Variants in CNTNAP2 observed in about 807,000 individuals in gnomAD.
CNTNAP2 encodes the protein contactin associated protein 2, also known as contactin-associated protein-like 2.
Under a neutral mutation model 155.2 loss-of-function variants are expected in CNTNAP2, and 98 were observed. The ratio of observed to expected loss-of-function variants is 0.63; its 90% CI spans 0.54 to 0.75. CNTNAP2 has a LOEUF of 0.75. CNTNAP2 is among the 30% of genes least tolerant of loss of function. CNTNAP2 has a pLI of 0.00. For missense variants in CNTNAP2, 1,727 were observed against 1,688.1 expected, an observed-to-expected ratio of 1.02 and a Z score of -0.40; for synonymous variants, 651 against 631.2, an observed-to-expected ratio of 1.03 and a Z score of -0.47.
At chr7:148,365,833 T>C (rs201448117) in intron 21 of CNTNAP2, among the ~76,000 whole-genome samples, 4,321 of 70,768 alleles carry the variant, frequency 0.061, 1,715 homozygotes, top group African/African-American at 0.16. Context: ...TGTGTATGCA[T>C]GTATACATGC....
chr7:146,922,273 A>C (rs1038147614), intron 3 of CNTNAP2, among the ~76,000 whole-genome samples: 5 of 151,450 alleles, frequency 3.3e-5, no homozygotes, highest in Non-Finnish European at 7.4e-5. Context: ...AAAAAAAAAA[A>C]ACGCCACTTT....
chr7:146,214,776 A>G (rs1424152794), intron 1 of CNTNAP2, among the ~76,000 whole-genome samples: 2 of 152,160 alleles, frequency 1.3e-5, no homozygotes, highest in Non-Finnish European at 1.5e-5. Flanking sequence ...GCATTGCAAC[A>G]ATAACCCCAG....
At chr7:147,585,449 C>T (rs1800599745) in intron 12 of CNTNAP2, among the ~76,000 whole-genome samples, 1 of 148,572 alleles carries the variant, frequency 6.7e-6, no homozygotes, top group Non-Finnish European at 1.5e-5. Context: ...ACATTGTATA[C>T]AATTATATAT....
At chr7:147,031,421 T>C (rs1280157218) in intron 3 of CNTNAP2, among the ~76,000 whole-genome samples, 2 of 152,190 alleles carry the variant, frequency 1.3e-5, no homozygotes, top group Non-Finnish European at 2.9e-5. Context: ...GCAATTTTAT[T>C]TGTAATAGTA....
intron 1 of CNTNAP2, among the ~76,000 whole-genome samples, chr7:146,371,182 T>G (rs1041074156): frequency 4.6e-5 from 7 of 151,966 alleles, no homozygotes; most frequent in Non-Finnish European, 1.0e-4. Context: ...TTCATCTTTT[T>G]TGCCTATGGA....
intron 13 of CNTNAP2, among the ~76,000 whole-genome samples, chr7:147,759,098 TGACA>T (rs1448207029): frequency 6.6e-6 from 1 of 152,208 alleles, no homozygotes; most frequent in Non-Finnish European, 1.5e-5. Flanking sequence ...TGTTTTTCTT[TGACA>T]TTTACATCCA....
intron 3 of CNTNAP2, among the ~76,000 whole-genome samples, chr7:146,979,258 C>T (rs547908420): frequency 6.6e-6 from 1 of 152,238 alleles, no homozygotes; most frequent in South Asian, 2.1e-4. Context: ...TTCTACTTCC[C>T]TGGCCTCGTC....
intron 1 of CNTNAP2, among the ~76,000 whole-genome samples, chr7:146,674,311 A>G (rs1024239759): frequency 6.6e-6 from 1 of 152,174 alleles, no homozygotes. Flanking sequence ...CAGACATTTT[A>G]TAAGTAGTGT....
intron 3 of CNTNAP2, among the ~76,000 whole-genome samples, chr7:147,010,141 C>A (rs1364097405): frequency 1.3e-5 from 2 of 151,376 alleles, no homozygotes. Flanking sequence ...TCCCGAGTAG[C>A]TGGGATTACA....
intron 10 of CNTNAP2, among the ~76,000 whole-genome samples, chr7:147,400,243 G>A (rs982782103): frequency 1.3e-5 from 2 of 152,110 alleles, no homozygotes; most frequent in African/African-American, 4.8e-5. Flanking sequence ...CAAAGTTGGG[G>A]AGAGGGGGTG....
chr7:147,855,109 G>A (rs919470374), intron 13 of CNTNAP2, among the ~76,000 whole-genome samples: 6 of 151,848 alleles, frequency 4.0e-5, no homozygotes, highest in African/African-American at 9.7e-5. Flanking sequence ...TTACATATGC[G>A]GCTCACATTG....
At chr7:147,169,652 A>AAGGGAGGG (rs934198166) in intron 8 of CNTNAP2, among the ~76,000 whole-genome samples, 4 of 142,514 alleles carry the variant, frequency 2.8e-5, no homozygotes, top group African/African-American at 7.5e-5. Context: ...GGAAAGAAGG[A>AAGGGAGGG]AGGGAGGGAG....
chr7:147,012,438 G>A (rs1288545851), intron 3 of CNTNAP2, among the ~76,000 whole-genome samples: 1 of 152,088 alleles, frequency 6.6e-6, no homozygotes, highest in African/African-American at 2.4e-5. Flanking sequence ...GTTTAAAATT[G>A]TCTGAAAAAG....
In CNTNAP2 at chr7:147,114,742, T is replaced by C. The variant is rs137862566; in HGVS notation, c.755-6237T>C. 9.3e-3 allele frequency among the ~76,000 whole-genome samples: 1,411 copies of C among 152,274 alleles called. 25 individuals are homozygous for C. Among genetic ancestry groups the C allele is most frequent in the African/African-American group, 0.032 (1,338 of 41,552 alleles). ...TGGGTCTCTTGAAGACAGCATACCA[T>C]TGGGTCTTGGCTCTTTATCCAGCTT... On this transcript the variant is annotated intron_variant, in intron 5 of 23. Coordinates refer to ENST00000361727, the MANE Select transcript of CNTNAP2 (RefSeq NM_014141.6).
Position 147,228,100 on chromosome 7 carries a change from T to C in CNTNAP2, c.1349-72041T>C, listed in dbSNP as rs560969640. 2.0e-5 allele frequency among the ~76,000 whole-genome samples: 3 copies of C among 152,260 alleles called. No individual in the cohort carries two copies. The South Asian group carries it at 6.2e-4, about 32-fold the overall frequency. ...AAGTAGGTCAAATGCTGCTGAATAG[T>C]CATTAAGATGAGGACTGAAAATAAT... is the stretch of plus-strand genomic sequence containing the variant. On this transcript the variant is annotated intron_variant, in intron 8 of 23. Coordinates refer to ENST00000361727, the MANE Select transcript of CNTNAP2 (RefSeq NM_014141.6).
intron 11 of CNTNAP2, among the ~76,000 whole-genome samples, chr7:147,539,872 A>C (rs1185010994): frequency 6.6e-6 from 1 of 152,178 alleles, no homozygotes; most frequent in East Asian, 1.9e-4. Context: ...ATCGTATTTC[A>C]AGACCATGTG....
At chr7:146,405,826 T>C (rs1795783262) in intron 1 of CNTNAP2, among the ~76,000 whole-genome samples, 1 of 152,150 alleles carries the variant, frequency 6.6e-6, no homozygotes, top group Non-Finnish European at 1.5e-5. Context: ...TAAAAAAAAG[T>C]TTAACCTTTT....
intron 10 of CNTNAP2, 123 bp downstream of exon 10, chr7:147,395,903 C>A: frequency 9.7e-7 from 1 of 1,033,698 alleles, no homozygotes; most frequent in Non-Finnish European, 1.5e-6. Flanking sequence ...TGGAAATTAC[C>A]ATTCAAAGTA....
chr7:147,279,745 A>AAGTC (rs1393897889), intron 8 of CNTNAP2, among the ~76,000 whole-genome samples: 2 of 151,862 alleles, frequency 1.3e-5, no homozygotes, highest in Non-Finnish European at 2.9e-5. Flanking sequence ...TTTTGTCACA[A>AAGTC]AGTCAACATT....
Sources: gnomAD v4.1 joint callset for allele counts (sites outside exome capture counted in the v4.1 genomes callset) on GRCh38, gnomAD v4.1.1 for gene constraint, MANE v1.5 for transcripts, NCBI Gene and HGNC (gene_info 2026-07-23, HGNC 2026-07-21) for gene names.